Variants in RAB33A observed in about 807,000 individuals in gnomAD.
The protein encoded by RAB33A is RAB33A, member RAS oncogene family, also known as ras-related protein Rab-33A.
A neutral mutation model predicts 12.0 loss-of-function variants in RAB33A; 6 were observed. That is an observed-to-expected ratio of 0.50 (90% CI 0.27 to 0.99). The LOEUF (loss-of-function observed/expected upper bound fraction) is 0.99, where lower values mean the gene tolerates loss of function less well. Ranked by LOEUF, RAB33A falls within the 50% of genes least tolerant of loss-of-function variation. The pLI, the probability that RAB33A is intolerant of heterozygous loss-of-function variation, is 0.11. For synonymous variants in RAB33A, 70 were observed against 82.4 expected (o/e 0.85, Z 0.81); for missense variants, 109 against 192.0 (o/e 0.57, Z 2.55).
At chrX:130,113,671 G>T in the RAB33A span, among the ~76,000 whole-genome samples, 1 of 111,273 alleles carries the variant, frequency 9.0e-6, no homozygotes, top group Admixed American at 9.5e-5. Context: ...TGATGCGCCT[G>T]CCTTGGCTTC....
chrX:130,156,325 TAAGAG>T, the RAB33A span: 2 of 812,086 alleles, frequency 2.5e-6, no homozygotes, highest in Non-Finnish European at 3.6e-6. Context: ...AGCAGGCACT[TAAGAG>T]AAGGCTTTTT....
At chrX:130,173,130 T>C (rs1410840617) in intron 1 of RAB33A, among the ~76,000 whole-genome samples, 1 of 112,226 alleles carries the variant, frequency 8.9e-6, no homozygotes, top group Non-Finnish European at 1.9e-5. Flanking sequence ...TGAGTTTATG[T>C]AATAGGCTAA....
the RAB33A span, among the ~76,000 whole-genome samples, chrX:130,139,235 G>A: frequency 9.0e-6 from 1 of 110,575 alleles, no homozygotes; most frequent in East Asian, 2.8e-4. Context: ...GGAAGGCTGA[G>A]GCACAAGAAT....
chrX:130,136,886 T>G, the RAB33A span, among the ~76,000 whole-genome samples: 1 of 111,240 alleles, frequency 9.0e-6, no homozygotes, highest in South Asian at 3.8e-4. Flanking sequence ...ATGGTTCATT[T>G]TCAGCACTTC....
chrX:130,112,432 C>A, the RAB33A span, among the ~76,000 whole-genome samples: 10 of 112,239 alleles, frequency 8.9e-5, no homozygotes, highest in Admixed American at 2.8e-4. Context: ...CACACACTTT[C>A]CCATTTTGCT....
At chrX:130,176,517 A>T (rs147771695) in intron 1 of RAB33A, among the ~76,000 whole-genome samples, 104 of 111,392 alleles carry the variant, frequency 9.3e-4, no homozygotes, top group African/African-American at 3.0e-3. Context: ...CACTGGGGGA[A>T]AAAAAATACC....
At chrX:130,149,396 C>A in the RAB33A span, 1 of 893,068 alleles carries the variant, frequency 1.1e-6, no homozygotes, top group Non-Finnish European at 1.6e-6. Context: ...ATCCATAAAT[C>A]ACAGCACCCA....
chrX:130,160,346 C>A, the RAB33A span, among the ~76,000 whole-genome samples: 8 of 111,531 alleles, frequency 7.2e-5, no homozygotes, highest in African/African-American at 2.6e-4. Context: ...CCAACTTACT[C>A]CTTGACTTTT....
the RAB33A span, among the ~76,000 whole-genome samples, chrX:130,164,413 A>T: frequency 3.6e-5 from 4 of 112,613 alleles, no homozygotes; most frequent in African/African-American, 1.3e-4. Context: ...ATTTGCAAAG[A>T]CCCTAACAAC....
the RAB33A span, among the ~76,000 whole-genome samples, chrX:130,139,517 C>T: frequency 9.0e-6 from 1 of 111,474 alleles, no homozygotes; most frequent in Non-Finnish European, 1.9e-5. Context: ...TCCAATGAAT[C>T]AAACACATCA....
At chrX:130,165,603 G>C in the RAB33A span, 93 of 1,202,385 alleles carry the variant, frequency 7.7e-5, no homozygotes, top group African/African-American at 1.3e-3. Flanking sequence ...TCCGCACCAA[G>C]GGCACCAGCT....
At chrX:130,151,439 C>G in the RAB33A span, among the ~76,000 whole-genome samples, 3 of 111,234 alleles carry the variant, frequency 2.7e-5, no homozygotes, top group African/African-American at 9.8e-5. Context: ...ACACCCGGCC[C>G]CATAAAACAT....
chrX:130,146,891 G>C, the RAB33A span, among the ~76,000 whole-genome samples: 2 of 112,544 alleles, frequency 1.8e-5, no homozygotes, highest in Non-Finnish European at 3.7e-5. Flanking sequence ...GCTGGGGGCA[G>C]TGGCTCACGC....
the RAB33A span, among the ~76,000 whole-genome samples, chrX:130,123,938 G>A: frequency 9.0e-6 from 1 of 110,936 alleles, no homozygotes; most frequent in Non-Finnish European, 1.9e-5. Context: ...GTAGGTGAAG[G>A]AAAAGCCTAG....
the RAB33A span, among the ~76,000 whole-genome samples, chrX:130,135,566 G>A: frequency 9.1e-6 from 1 of 109,769 alleles, no homozygotes; most frequent in Non-Finnish European, 1.9e-5. Flanking sequence ...ATTACCTCAT[G>A]GTTCCTACAT....
the RAB33A span, among the ~76,000 whole-genome samples, chrX:130,132,622 C>T: frequency 2.7e-5 from 3 of 112,245 alleles, no homozygotes; most frequent in Non-Finnish European, 3.8e-5. Flanking sequence ...AGGTTGGTCT[C>T]GAACTTCTGG....
At chrX:130,160,328 T>C in the RAB33A span, among the ~76,000 whole-genome samples, 53,261 of 110,068 alleles carry the variant, frequency 0.48, 10,008 homozygotes, top group African/African-American at 0.67. Context: ...CTTACTAACA[T>C]GGAAAAGCCA....
At chrX:130,181,628 A>G (rs2031727429) in intron 1 of RAB33A, among the ~76,000 whole-genome samples, 1 of 112,416 alleles carries the variant, frequency 8.9e-6, no homozygotes, top group Non-Finnish European at 1.9e-5. Flanking sequence ...CCAGTGAATT[A>G]AGTTCCTTTT....
chrX:130,139,893 C>A, the RAB33A span: 1 of 1,175,248 alleles, frequency 8.5e-7, no homozygotes, highest in African/African-American at 1.8e-5. Flanking sequence ...AGAAGGAAAA[C>A]CCTTTAGCCC....
Sources: allele counts gnomAD v4.1 joint callset (sites outside exome capture counted in the v4.1 genomes callset), GRCh38; gene constraint gnomAD v4.1.1; transcripts MANE v1.5; gene names NCBI Gene and HGNC (gene_info 2026-07-23, HGNC 2026-07-21).